Variants in SNX4 observed in about 807,000 individuals in gnomAD.
The protein encoded by SNX4 is sorting nexin 4.
Under a neutral mutation model 70.8 loss-of-function variants are expected in SNX4, and 49 were observed. The observed-to-expected ratio is 0.69, with a 90% CI of 0.55 to 0.88. The LOEUF (loss-of-function observed/expected upper bound fraction) is 0.88, where lower values mean the gene tolerates loss of function less well. Ranked by LOEUF, SNX4 falls within the 40% of genes least tolerant of loss-of-function variation. The pLI, the probability that SNX4 is intolerant of heterozygous loss-of-function variation, is 0.00. For synonymous variants in SNX4, 206 were observed against 183.8 expected (o/e 1.12, Z -0.98); for missense variants, 528 against 544.8 (o/e 0.97, Z 0.31).
At chr3:125,465,679 G>A (rs779906376) in intron 9 of SNX4, among the ~76,000 whole-genome samples, 21 of 151,822 alleles carry the variant, frequency 1.4e-4, no homozygotes, top group Non-Finnish European at 2.5e-4. Flanking sequence ...GTCTCACTCT[G>A]TCACCTAGGC....
intron 5 of SNX4, among the ~76,000 whole-genome samples, chr3:125,495,451 G>A (rs1254788161): frequency 1.3e-5 from 2 of 151,208 alleles, no homozygotes; most frequent in African/African-American, 2.4e-5. Context: ...ATGGGTTTCC[G>A]AATTCTCTCC....
At chr3:125,451,480 T>G (rs901812364) in intron 12 of SNX4, 61 bp from the exon 13 acceptor site, 1 of 1,242,534 alleles carries the variant, frequency 8.0e-7, no homozygotes, top group Admixed American at 1.8e-5. Context: ...TACTAAAAAG[T>G]TAACCAGTTC....
At chr3:125,473,640 C>T (rs2107540225) in intron 8 of SNX4, among the ~76,000 whole-genome samples, 1 of 152,256 alleles carries the variant, frequency 6.6e-6, no homozygotes, top group East Asian at 1.9e-4. Context: ...GTCTTGAACT[C>T]CTGACCTCAA....
chr3:125,459,431 C>T (rs1425238584), intron 10 of SNX4, among the ~76,000 whole-genome samples: 1 of 152,052 alleles, frequency 6.6e-6, no homozygotes, highest in African/African-American at 2.4e-5. Context: ...GAGAATTCCA[C>T]TGTACTCAGC....
At chr3:125,478,413 C>A (rs1392227201) in intron 7 of SNX4, among the ~76,000 whole-genome samples, 4 of 114,154 alleles carry the variant, frequency 3.5e-5, no homozygotes, top group Admixed American at 9.3e-5. Context: ...GAATGTTTTT[C>A]TTTTCTTTTT....
intron 9 of SNX4, among the ~76,000 whole-genome samples, chr3:125,461,065 A>ATTTT (rs1933872906): frequency 6.6e-6 from 1 of 152,154 alleles, no homozygotes; most frequent in Non-Finnish European, 1.5e-5. Context: ...GTCTCTACTA[A>ATTTT]AAATACAAAA....
intron 9 of SNX4, among the ~76,000 whole-genome samples, chr3:125,463,925 A>C (rs1184188387): frequency 2.6e-5 from 4 of 152,084 alleles, no homozygotes; most frequent in Non-Finnish European, 5.9e-5. Context: ...AAAAATAGTA[A>C]AGGCCTGGCG....
intron 7 of SNX4, among the ~76,000 whole-genome samples, chr3:125,479,919 CT>C (rs1191864124): frequency 6.6e-6 from 1 of 151,988 alleles, no homozygotes; most frequent in Non-Finnish European, 1.5e-5. Flanking sequence ...TTTCACGGAC[CT>C]TTAAAAAAAA....
chr3:125,492,957 G>A (rs905272628), intron 5 of SNX4, among the ~76,000 whole-genome samples: 1 of 152,174 alleles, frequency 6.6e-6, no homozygotes, highest in Non-Finnish European at 1.5e-5. Flanking sequence ...TTTAAGGATT[G>A]GGTATTCAGA....
chr3:125,513,940 G>C (rs534165135), intron 1 of SNX4, among the ~76,000 whole-genome samples: 1 of 152,290 alleles, frequency 6.6e-6, no homozygotes, highest in East Asian at 1.9e-4. Flanking sequence ...CAGAGATCAA[G>C]GAACTGGCAG....
rs868154744 is a variant in SNX4 at position 125,458,863 on chromosome 3, A to T, written c.945-1498T>A. 1.4e-4 allele frequency among the ~76,000 whole-genome samples: 15 copies of T among 105,892 alleles called. 2 individuals are homozygous for T. The highest frequency in any genetic ancestry group is 3.8e-4 in the Admixed American group (4 of 10,534). The allele number at this position is 105,892 out of a possible 152,430, so 69.5% of individuals were successfully genotyped here. A position where few individuals can be genotyped will look rare whatever the true frequency, so the allele number is the denominator to read the frequency against. On this transcript the variant is annotated intron_variant, in intron 10 of 13. Transcript: ENST00000251775. ...AAAAAAAAGAAAAGAAAAGATTCTA[A>T]TACAGCAATGCACAAAGTAAAAAAA...
chr3:125,520,077 G>C lies in SNX4; in HGVS notation c.96C>G (p.Gly32=). 1 of 1,546,186 alleles carries C rather than the reference G, an allele frequency of 6.5e-7. No homozygotes were observed. Among genetic ancestry groups the C allele is most frequent in the Non-Finnish European group, 8.7e-7 (1 of 1,149,716 alleles). The stretch of plus-strand genomic sequence containing the variant: ...CTTCTCCGGCCCCCTCCGCTTCCTT[G>C]CCGACCGCAGCCCCCAGCCCAGCGT... ...SPDAGLGAAV[G]KEAEGAGEES... The change falls in exon 1 of 14, where the codon GGC becomes GGG. Residue 32 remains glycine, a synonymous_variant. Transcript: ENST00000251775.
chr3:125,481,460 T>G (rs1934407975), intron 6 of SNX4, among the ~76,000 whole-genome samples: 1 of 151,944 alleles, frequency 6.6e-6, no homozygotes, highest in Non-Finnish European at 1.5e-5. Flanking sequence ...TTTTTTTTTT[T>G]TTTTTGAGAC....
intron 1 of SNX4, among the ~76,000 whole-genome samples, chr3:125,507,895 A>G (rs1198971731): frequency 2.0e-5 from 3 of 152,190 alleles, no homozygotes; most frequent in African/African-American, 7.2e-5. Flanking sequence ...TCTGGGCAAC[A>G]GTCACACTCT....
intron 11 of SNX4, among the ~76,000 whole-genome samples, chr3:125,456,458 T>TGA (rs879845066): frequency 6.6e-6 from 1 of 152,008 alleles, no homozygotes; most frequent in Admixed American, 6.6e-5. Flanking sequence ...TCCAGGAGTT[T>TGA]GAGACCACCC....
At chr3:125,447,921 G>T in intron 13 of SNX4, 95 bp from the exon 14 acceptor site, 1 of 702,304 alleles carries the variant, frequency 1.4e-6, no homozygotes, top group African/African-American at 1.8e-5. Context: ...TTGCTTTTTG[G>T]AATAATTAAG....
intron 8 of SNX4, among the ~76,000 whole-genome samples, chr3:125,475,317 G>A (rs968766647): frequency 6.6e-6 from 1 of 152,056 alleles, no homozygotes; most frequent in Admixed American, 6.6e-5. Flanking sequence ...ACAAAATACA[G>A]AAGAAATGAG....
chr3:125,516,938 CAT>C (rs932229482), intron 1 of SNX4: 16 of 152,310 alleles, frequency 1.1e-4, no homozygotes, highest in Admixed American at 1.0e-3. Flanking sequence ...TAAATCAACA[CAT>C]CTTTCAAACC....
chr3:125,514,592 A>G (rs1935235891), intron 1 of SNX4, among the ~76,000 whole-genome samples: 1 of 151,960 alleles, frequency 6.6e-6, no homozygotes, highest in Non-Finnish European at 1.5e-5. Context: ...GGCTTTCACA[A>G]TGTTGCCCAG....
Sources: allele counts gnomAD v4.1 joint callset (sites outside exome capture counted in the v4.1 genomes callset), GRCh38; gene constraint gnomAD v4.1.1; transcripts MANE v1.5; gene names NCBI Gene and HGNC (gene_info 2026-07-23, HGNC 2026-07-21).